Variants in TMEM164 observed in about 807,000 individuals in gnomAD.
TMEM164 encodes transmembrane protein 164, also known as RP13-360B22.2.
TMEM164 carries 4 observed loss-of-function variants against 18.8 expected under a neutral mutation model. The ratio of observed to expected loss-of-function variants is 0.21; its 90% CI spans 0.10 to 0.49. The LOEUF (loss-of-function observed/expected upper bound fraction) is 0.49. TMEM164 is among the 20% of genes least tolerant of loss of function. TMEM164 has a pLI of 0.98. For synonymous variants in TMEM164, 86 were observed against 101.7 expected, an observed-to-expected ratio of 0.85 and a Z score of 0.93; for missense variants, 108 against 239.9, an observed-to-expected ratio of 0.45 and a Z score of 3.63.
intron 2 of TMEM164, among the ~76,000 whole-genome samples, chrX:110,037,920 C>T (rs1934890145): frequency 1.8e-5 from 2 of 110,955 alleles, no homozygotes; most frequent in South Asian, 3.7e-4. Context: ...ATAACTGCAT[C>T]GTGACCTTAG....
chrX:110,005,398 G>T (rs1407188113), intron 2 of TMEM164, among the ~76,000 whole-genome samples: 1 of 111,668 alleles, frequency 9.0e-6, no homozygotes, highest in Non-Finnish European at 1.9e-5. Flanking sequence ...AGTGGGTGGT[G>T]GGGCAGTCCT....
chrX:110,037,112 TAG>T (rs201255587), intron 2 of TMEM164, among the ~76,000 whole-genome samples: 51 of 105,655 alleles, frequency 4.8e-4, no homozygotes, highest in East Asian at 1.2e-3. Context: ...GGTAGAGCCG[TAG>T]AGAGAGAGAG....
chrX:110,056,353 G>C (rs140675304), intron 2 of TMEM164, among the ~76,000 whole-genome samples: 61 of 112,111 alleles, frequency 5.4e-4, no homozygotes, highest in Non-Finnish European at 9.6e-4. Context: ...GCATGTATCA[G>C]TACTTCACTT....
intron 5 of TMEM164, among the ~76,000 whole-genome samples, chrX:110,164,882 A>T (rs111580723): frequency 2.9e-5 from 3 of 103,048 alleles, no homozygotes; most frequent in African/African-American, 1.4e-4. Flanking sequence ...CCACAGATGA[A>T]GCAGGCAAGG....
chrX:110,182,213 T>G (rs1168310972), downstream of TMEM164: 1 of 111,691 alleles, frequency 9.0e-6, no homozygotes, highest in Non-Finnish European at 1.9e-5. Context: ...CCCATGAAAG[T>G]CATCTTCTTG....
intron 2 of TMEM164, among the ~76,000 whole-genome samples, chrX:110,053,183 A>G (rs1935651127): frequency 8.9e-6 from 1 of 112,066 alleles, no homozygotes; most frequent in African/African-American, 3.2e-5. Context: ...ACTCTTGCCA[A>G]CAGCTCTTAC....
At chrX:110,100,433 C>G (rs1332634142) in intron 3 of TMEM164, among the ~76,000 whole-genome samples, 1 of 111,942 alleles carries the variant, frequency 8.9e-6, no homozygotes, top group African/African-American at 3.2e-5. Context: ...AATACCCTTT[C>G]TGTATCAGTT....
intron 2 of TMEM164, among the ~76,000 whole-genome samples, chrX:110,048,162 C>G (rs1296461310): frequency 9.2e-6 from 1 of 108,891 alleles, no homozygotes; most frequent in Admixed American, 9.6e-5. Flanking sequence ...TCTATACTAT[C>G]CAGGCAAAAG....
At chrX:110,099,057 C>A (rs1418032581) in intron 3 of TMEM164, among the ~76,000 whole-genome samples, 1 of 108,007 alleles carries the variant, frequency 9.3e-6, no homozygotes, top group Non-Finnish European at 1.9e-5. Context: ...CTTGGCCTCC[C>A]AAAGTGCTGG....
In TMEM164 at chrX:110,032,964, G is replaced by A. The variant is rs185325387; in HGVS notation, c.390+28800G>A. ...CATGTATTGAACTGTTTTGGAGTAG[G>A]AAGAAGCATTGCTATGACAACAAAT... On this transcript the variant is annotated intron_variant, in intron 2 of 6. Coordinates refer to ENST00000372068, the MANE Select transcript of TMEM164 (RefSeq NM_032227.4). 1.8e-3 allele frequency among the ~76,000 whole-genome samples: 198 copies of A among 112,478 alleles called. 1 individual carries two copies. The highest frequency in any genetic ancestry group is 5.9e-3 in the African/African-American group (183 of 30,997).
At chrX:110,077,657 C>T (rs188846707) in intron 3 of TMEM164, among the ~76,000 whole-genome samples, 11 of 111,837 alleles carry the variant, frequency 9.8e-5, no homozygotes, top group Admixed American at 1.9e-4. Flanking sequence ...TTAGTGGTAA[C>T]GAGTTCCCTT....
intron 3 of TMEM164, 142 bp from the exon 4 acceptor site, chrX:110,108,938 A>C: frequency 1.9e-6 from 1 of 529,316 alleles, no homozygotes; most frequent in Admixed American, 2.8e-5. Flanking sequence ...CATTTTGTGC[A>C]AACTCCAGTG....
chrX:110,070,518 T>C (rs1001616817), intron 3 of TMEM164, among the ~76,000 whole-genome samples: 2 of 111,391 alleles, frequency 1.8e-5, no homozygotes, highest in Non-Finnish European at 3.8e-5. Flanking sequence ...TCACGTCTTA[T>C]TGTTTCAGTT....
intron 3 of TMEM164, among the ~76,000 whole-genome samples, chrX:110,093,371 GTTA>G (rs759036783): frequency 2.7e-5 from 3 of 111,860 alleles, no homozygotes; most frequent in Non-Finnish European, 5.6e-5. Flanking sequence ...TTCAGAGCCT[GTTA>G]TTGTTATATT....
chrX:110,010,231 TAAA>T (rs957534003), intron 2 of TMEM164, among the ~76,000 whole-genome samples: 4 of 112,495 alleles, frequency 3.6e-5, no homozygotes, highest in African/African-American at 1.3e-4. Context: ...ATCATATAAA[TAAA>T]AAATGTTATT....
chrX:110,124,168 A>AAGGC (rs1167984011), intron 4 of TMEM164, among the ~76,000 whole-genome samples: 3 of 92,285 alleles, frequency 3.3e-5, no homozygotes, highest in Non-Finnish European at 6.4e-5. Context: ...GGAAGGAAGG[A>AAGGC]AGGAAGGAAG....
chrX:110,041,939 A>G (rs1020644555), intron 2 of TMEM164, among the ~76,000 whole-genome samples: 5 of 111,515 alleles, frequency 4.5e-5, no homozygotes, highest in African/African-American at 1.6e-4. Flanking sequence ...CTGAGATGTA[A>G]TTCATATACC....
chrX:110,124,126 G>GGAAA (rs1286128177), intron 4 of TMEM164, among the ~76,000 whole-genome samples: 1 of 33,150 alleles, frequency 3.0e-5, no homozygotes, highest in Admixed American at 3.9e-4. Context: ...ACAAATGGAA[G>GGAAA]GAAGGAAGGA....
At chrX:110,139,694 C>T (rs773909232) in intron 4 of TMEM164, among the ~76,000 whole-genome samples, 11 of 111,171 alleles carry the variant, frequency 9.9e-5, no homozygotes, top group African/African-American at 2.6e-4. Context: ...GTAAGTAGGA[C>T]AAAAAGAGAG....
Sources: allele counts gnomAD v4.1 joint callset (sites outside exome capture counted in the v4.1 genomes callset), GRCh38; gene constraint gnomAD v4.1.1; transcripts MANE v1.5; gene names NCBI Gene and HGNC (gene_info 2026-07-23, HGNC 2026-07-21).